The following SPOP variants were observed in gnomAD, a reference collection of about 807,000 sequenced individuals.
The protein encoded by SPOP is speckle type BTB/POZ protein.
SPOP carries 11 observed loss-of-function variants against 45.6 expected under a neutral mutation model. That is an observed-to-expected ratio of 0.24 (90% CI 0.15 to 0.40). The LOEUF is 0.40. SPOP is among the 10% of genes least tolerant of loss of function. SPOP has a pLI of 1.00. For synonymous variants in SPOP, 166 were observed against 166.3 expected, an observed-to-expected ratio of 1.00 and a Z score of 0.01; for missense variants, 152 against 465.6, an observed-to-expected ratio of 0.33 and a Z score of 6.20.
At chr17:49,621,235 C>G (rs905466054) in intron 3 of SPOP, among the ~76,000 whole-genome samples, 7 of 152,204 alleles carry the variant, frequency 4.6e-5, no homozygotes, top group African/African-American at 1.4e-4. Flanking sequence ...CCTGGCCACA[C>G]AGTTCAGAGA....
intron 5 of SPOP, chr17:49,613,056 T>C: frequency 6.6e-6 from 1 of 152,220 alleles, no homozygotes; most frequent in Non-Finnish European, 1.5e-5. Context: ...TGAATATACT[T>C]GGCATTAGTA....
chr17:49,643,272 C>T (rs894228323), intron 1 of SPOP, among the ~76,000 whole-genome samples: 49 of 152,146 alleles, frequency 3.2e-4, no homozygotes, highest in African/African-American at 1.1e-3. Flanking sequence ...TCCAAGTGCT[C>T]AAAGCTCTGA....
chr17:49,625,336 C>T (rs893166892), intron 1 of SPOP, among the ~76,000 whole-genome samples: 3 of 152,118 alleles, frequency 2.0e-5, no homozygotes, highest in African/African-American at 7.2e-5. Flanking sequence ...AGGCTGGACA[C>T]GGTGGCTCAC....
intron 1 of SPOP, among the ~76,000 whole-genome samples, chr17:49,654,914 G>T (rs1336299671): frequency 6.6e-6 from 1 of 152,110 alleles, no homozygotes; most frequent in Non-Finnish European, 1.5e-5. Flanking sequence ...GAGTTTACTA[G>T]CAAAACTGAG....
chr17:49,643,003 C>T lies in SPOP; in HGVS notation c.-66-20127G>A, dbSNP rs79293606. On this transcript the variant is annotated intron_variant, in intron 1 of 9. Coordinates refer to ENST00000504102, the MANE Select transcript of SPOP (RefSeq NM_001007228.2). ...CCTGAACCAAACCCTAAGACAAGAA[C>T]AGATCTGAGATAAAATACACAGGCA... Among the ~76,000 whole-genome samples, 121 of 152,324 alleles carry T rather than the reference C, an allele frequency of 7.9e-4. 1 individual carries two copies. In the East Asian group the frequency reaches 0.019, roughly 24 times the overall value.
Position 49,600,328 on chromosome 17 carries a change from A to G in SPOP, c.*50T>C. 6.2e-7 allele frequency: 1 copy of G among 1,608,840 alleles called. No individual in the cohort carries two copies. Reference sequence around the variant, plus strand: ...CTACCTGGTGGTCAGTGGCAGCAACAGTGGCTGCTGCTTCTGGAAATTAAA... The same window carrying G: ...CTACCTGGTGGTCAGTGGCAGCAACGGTGGCTGCTGCTTCTGGAAATTAAA... On this transcript the variant is annotated 3_prime_UTR_variant, in exon 10 of 10. Transcript: ENST00000504102. The surrounding 1 kb of genome is among the most constrained non-coding windows in gnomAD (Gnocchi z 4.2).
chr17:49,677,603 G>C (rs1018370009), intron 1 of SPOP, among the ~76,000 whole-genome samples: 7 of 151,738 alleles, frequency 4.6e-5, no homozygotes, highest in Admixed American at 4.6e-4. Flanking sequence ...GCCCGAGCGC[G>C]TTCACACTCG....
intron 2 of SPOP, chr17:49,622,500 C>G (rs1421312949): frequency 5.3e-6 from 3 of 567,326 alleles, no homozygotes; most frequent in Non-Finnish European, 9.4e-6. Flanking sequence ...GTAAGCAGAT[C>G]TAGTTTCAAA....
chr17:49,600,354 C>T lies in SPOP; in HGVS notation c.*24G>A, dbSNP rs114710735. 1.3e-3 allele frequency: 2,068 copies of T among 1,612,914 alleles called. 17 individuals carry two copies. The African/African-American group carries it at 0.024, about 19-fold the overall frequency. The stretch of plus-strand genomic sequence containing the variant: ...GTGGCTGCTGCTTCTGGAAATTAAA[C>T]GGAGTCTTACAACAAGCAGGATCTT... On this transcript the variant is annotated 3_prime_UTR_variant, in exon 10 of 10. Transcript: ENST00000504102. This position sits in a 1 kb window ranked among gnomAD's most constrained non-coding sequence, Gnocchi z 4.2.
At position 49,599,514 on chromosome 17, in the gene SPOP, T is replaced by G. The variant is rs3209120; in HGVS notation, c.*864A>C. 8.3e-4 allele frequency: 176 copies of G among 212,054 alleles called. 1 individual carries two copies. The highest frequency in any genetic ancestry group is 5.9e-3 in the South Asian group (30 of 5,126). 13.1% of individuals were successfully genotyped at this position (212,054 alleles called of 1,614,324 possible). A position where few individuals can be genotyped will look rare whatever the true frequency, so the allele number is the denominator to read the frequency against. On this transcript the variant is annotated 3_prime_UTR_variant, in exon 10 of 10. Transcript: ENST00000504102. ...CTGTTTTTGTTTTGTGTGTTTTTTT[T>G]TTTGTTTGTTTTTTAGAAAAAGGGG... is the stretch of plus-strand genomic sequence containing the variant.
rs57508160 is a variant in SPOP at position 49,667,931 on chromosome 17, G to A, written c.-67+10002C>T. 30,011 of 152,162 alleles carry A rather than the reference G, an allele frequency of 0.2. 3,093 individuals carry two copies. Among genetic ancestry groups the A allele is most frequent in the East Asian group, 0.31 (1,596 of 5,172 alleles). 9.4% of individuals were successfully genotyped at this position (152,162 alleles called of 1,614,324 possible). A position where few individuals can be genotyped will look rare whatever the true frequency, so the allele number is the denominator to read the frequency against. ...TAAAAGAAAGGAAATCCTAGCACAT[G>A]CCACAACATGGATGAACCTTAAGGA... On this transcript the variant is annotated intron_variant, in intron 1 of 9. Coordinates refer to ENST00000504102, the MANE Select transcript of SPOP (RefSeq NM_001007228.2).
intron 1 of SPOP, among the ~76,000 whole-genome samples, chr17:49,671,813 C>T (rs556009248): frequency 6.6e-6 from 1 of 152,076 alleles, no homozygotes; most frequent in African/African-American, 2.4e-5. Context: ...TGAGGCCAGC[C>T]TGGCCAATAT....
rs2072696474 is a variant in SPOP at position 49,643,454 on chromosome 17, AT to A, written c.-66-20579del. ...CCTTGAACAAAATTTAAATGTAATA[AT>A]TCTAATCAAATATCGAGGTGAAGAC... On this transcript the variant is annotated intron_variant, in intron 1 of 9. Coordinates refer to ENST00000504102, the MANE Select transcript of SPOP (RefSeq NM_001007228.2). 2.6e-5 allele frequency among the ~76,000 whole-genome samples: 4 copies of A among 152,380 alleles called. No homozygotes were observed. In the South Asian group the frequency reaches 8.3e-4, roughly 32 times the overall value.
intron 8 of SPOP, among the ~76,000 whole-genome samples, chr17:49,605,687 C>G (rs1255114735): frequency 7.5e-6 from 1 of 132,690 alleles, no homozygotes; most frequent in East Asian, 2.3e-4. Context: ...GAGACTCTGT[C>G]TCAAAAAGTA....
chr17:49,620,151 C>A (rs2072189790), intron 3 of SPOP, among the ~76,000 whole-genome samples: 1 of 147,128 alleles, frequency 6.8e-6, no homozygotes, highest in Non-Finnish European at 1.5e-5. Context: ...GCCTGGGTAA[C>A]AAGAACGAAA....
rs575196452 is a variant in SPOP at position 49,642,385 on chromosome 17, C to CA, written c.-66-19510dup. Among the ~76,000 whole-genome samples the CA allele has an allele frequency of 6.6e-5, 10 of 151,862 alleles. No individual in the cohort carries two copies. The East Asian group carries it at 2.0e-3, about 30-fold the overall frequency. ...CAACATGGTAAAAACCCATCTCTAC[C>CA]AAAAAATACAAAAATTAGCTGAGCA... On this transcript the variant is annotated intron_variant, in intron 1 of 9. Coordinates refer to ENST00000504102, the MANE Select transcript of SPOP (RefSeq NM_001007228.2).
chr17:49,644,683 G>A (rs1257745080), intron 1 of SPOP, among the ~76,000 whole-genome samples: 2 of 151,776 alleles, frequency 1.3e-5, no homozygotes, highest in African/African-American at 4.8e-5. Context: ...TACAGATTTT[G>A]GAAAAAAAGA....
At chr17:49,627,842 A>T (rs908812175) in intron 1 of SPOP, among the ~76,000 whole-genome samples, 1 of 152,102 alleles carries the variant, frequency 6.6e-6, no homozygotes, top group Non-Finnish European at 1.5e-5. Context: ...AAAATCTCTA[A>T]CCTCACAGCC....
intron 1 of SPOP, among the ~76,000 whole-genome samples, chr17:49,669,599 T>G (rs1279912918): frequency 6.7e-6 from 1 of 149,820 alleles, no homozygotes; most frequent in Non-Finnish European, 1.5e-5. Flanking sequence ...ATCCCGTCTC[T>G]ACTAAAAATA....
Sources: gnomAD v4.1 joint callset for allele counts (sites outside exome capture counted in the v4.1 genomes callset) on GRCh38, gnomAD v4.1.1 for gene constraint, Gnocchi (gnomAD v3.1) non-coding constraint, MANE v1.5 for transcripts, NCBI Gene and HGNC (gene_info 2026-07-23, HGNC 2026-07-21) for gene names.